UTRN: variants seen among roughly 807,000 people sequenced by gnomAD.
UTRN encodes utrophin.
UTRN carries 283 observed loss-of-function variants against 463.9 expected under a neutral mutation model. That is an observed-to-expected ratio of 0.61 (90% CI 0.55 to 0.67). UTRN has a LOEUF of 0.67. UTRN is among the 30% of genes least tolerant of loss of function. UTRN has a pLI of 0.00. For synonymous variants in UTRN, 1,442 were observed against 1,431.5 expected (o/e 1.01, Z -0.17); for missense variants, 3,922 against 4,084.3 (o/e 0.96, Z 1.08).
chr6:144,633,169 G>A (rs569985655), intron 51 of UTRN, among the ~76,000 whole-genome samples: 42 of 150,972 alleles, frequency 2.8e-4, no homozygotes, highest in African/African-American at 9.3e-4. Context: ...TACCTATTCC[G>A]TCAGATAGTA....
chr6:144,495,865 G>A (rs1793594254), intron 33 of UTRN, among the ~76,000 whole-genome samples: 1 of 152,152 alleles, frequency 6.6e-6, no homozygotes, highest in Admixed American at 6.5e-5. Flanking sequence ...TAGTCCTAAT[G>A]TTTTCCCATT....
chr6:144,760,056 G>C (rs1281653843), intron 58 of UTRN, among the ~76,000 whole-genome samples: 2 of 152,030 alleles, frequency 1.3e-5, no homozygotes, highest in African/African-American at 2.4e-5. Flanking sequence ...ATGATTATCT[G>C]TGTGGTTTGG....
At position 144,490,203 on chromosome 6, in the gene UTRN, A is replaced by G. The variant is rs1414496216; in HGVS notation, c.4263+4A>G. ...AAGTCAGATGGATGTGCTACAGGTA[A>G]AGAAGGCCAGGAGCTTCCTTTTACT... On this transcript the variant is annotated splice_donor_region_variant and intron_variant, in intron 31 of 74. Transcript: ENST00000367545. 3 of 1,592,538 alleles carry G rather than the reference A, an allele frequency of 1.9e-6. No individual in the cohort carries two copies. Among genetic ancestry groups the G allele is most frequent in the Admixed American group, 3.8e-5 (2 of 52,330 alleles).
chr6:144,786,486 A>G (rs56383646), intron 61 of UTRN, among the ~76,000 whole-genome samples: 17,945 of 152,046 alleles, frequency 0.12, 1,248 homozygotes, highest in South Asian at 0.19. Flanking sequence ...GGGTTTCACC[A>G]TGTTGGCCAG....
At chr6:144,430,159 A>T (rs1265544295) in intron 9 of UTRN, among the ~76,000 whole-genome samples, 1 of 151,994 alleles carries the variant, frequency 6.6e-6, no homozygotes, top group Admixed American at 6.5e-5. Flanking sequence ...TTTCCATTAT[A>T]TATCTCACAA....
intron 73 of UTRN, among the ~76,000 whole-genome samples, chr6:144,843,122 T>C (rs1300851950): frequency 6.6e-6 from 1 of 152,194 alleles, no homozygotes; most frequent in Non-Finnish European, 1.5e-5. Flanking sequence ...TACTTTTTAG[T>C]TCAGCTTATA....
chr6:144,477,167 G>A (rs1791304180), intron 25 of UTRN, among the ~76,000 whole-genome samples: 1 of 152,100 alleles, frequency 6.6e-6, no homozygotes, highest in African/African-American at 2.4e-5. Context: ...AGAACTGGGA[G>A]GTATTCTTTC....
At chr6:144,729,515 T>C (rs1586256453) in intron 53 of UTRN, among the ~76,000 whole-genome samples, 1 of 152,184 alleles carries the variant, frequency 6.6e-6, no homozygotes, top group South Asian at 2.1e-4. Flanking sequence ...GAAGGCAAAA[T>C]ACTAGAGCCA....
intron 50 of UTRN, among the ~76,000 whole-genome samples, chr6:144,575,975 C>G (rs1324924827): frequency 6.6e-6 from 1 of 152,236 alleles, no homozygotes; most frequent in East Asian, 1.9e-4. Flanking sequence ...ATGAATTTAC[C>G]TATTTTGGAA....
In UTRN at chr6:144,479,816, C is replaced by G; in HGVS notation, c.3341C>G (p.Ala1114Gly). ...GGAATGGCTTTTCCTTTGTAGATCG[C>G]TACTCAAAAAAGTAGGTTGTCTGAA... ...TQLEKLSKEI[A>G]TQKSRLSESQ... Residue 1114 changes from alanine (A) to glycine (G), a missense_variant, in exon 26 of 75, where the codon GCT becomes GGT. Physicochemically the swap from Ala to Gly is moderately conservative, Grantham distance 60 (BLOSUM62 0). This residue lies in a region of UTRN where 2,349 missense variants were observed against 2,303.8 expected (regional missense o/e 1.02). Transcript: ENST00000367545. The G allele has an allele frequency of 1.2e-6, 2 of 1,612,422 alleles. No individual in the cohort carries two copies. Among genetic ancestry groups the G allele is most frequent in the Non-Finnish European group, 1.7e-6 (2 of 1,179,326 alleles).
At chr6:144,300,273 A>T (rs2473144) in intron 2 of UTRN, among the ~76,000 whole-genome samples, 1 of 151,884 alleles carries the variant, frequency 6.6e-6, no homozygotes. Context: ...TATTTTTGGT[A>T]GAGATGGGGT....
chr6:144,835,408 G>A (rs1243180582), intron 69 of UTRN, among the ~76,000 whole-genome samples: 2 of 152,190 alleles, frequency 1.3e-5, no homozygotes, highest in Non-Finnish European at 2.9e-5. Flanking sequence ...AGTGAAGTCA[G>A]ATGATTCTTA....
At position 144,343,363 on chromosome 6, in the gene UTRN, AACACACACACACAC is replaced by A. The variant is rs3061626; in HGVS notation, c.79+51490_79+51503del. 8.6e-3 allele frequency among the ~76,000 whole-genome samples: 1,161 copies of A among 135,414 alleles called. 16 individuals are homozygous for A. The highest frequency in any genetic ancestry group is 0.027 in the African/African-American group (934 of 35,048). 88.8% of individuals were successfully genotyped at this position (135,414 alleles called of 152,430 possible). On this transcript the variant is annotated intron_variant, in intron 2 of 74. Coordinates refer to ENST00000367545, the MANE Select transcript of UTRN (RefSeq NM_007124.3). ...ACATGGTGAAATCCCGTCTCTACTA[AACACACACACACAC>A]ACACACACACACACACACACACACA...
intron 2 of UTRN, among the ~76,000 whole-genome samples, chr6:144,304,751 T>G (rs1022694514): frequency 6.6e-6 from 1 of 152,018 alleles, no homozygotes; most frequent in African/African-American, 2.4e-5. Context: ...TCTTTAGGAG[T>G]TTGAGTTGTA....
intron 17 of UTRN, among the ~76,000 whole-genome samples, chr6:144,449,453 G>A (rs539161864): frequency 1.3e-5 from 2 of 152,242 alleles, no homozygotes; most frequent in East Asian, 1.9e-4. Context: ...TGTGACCTGC[G>A]ATCATTGCAT....
chr6:144,757,244 A>C (rs1372069394), intron 57 of UTRN, among the ~76,000 whole-genome samples: 1 of 151,006 alleles, frequency 6.6e-6, no homozygotes, highest in Non-Finnish European at 1.5e-5. Context: ...TGTAAAAAAA[A>C]AAAAAAAAAA....
rs182330243 is a variant in UTRN, at chr6:144,655,049, C to T, written c.7480-23357C>T. Reference sequence around the variant, plus strand: ...TTATGAATCCTAATTTTTATTTCTCCATGACCACCTGTAAAATTATCAAAG... The same window carrying T: ...TTATGAATCCTAATTTTTATTTCTCTATGACCACCTGTAAAATTATCAAAG... On this transcript the variant is annotated intron_variant, in intron 51 of 74. Coordinates refer to ENST00000367545, the MANE Select transcript of UTRN (RefSeq NM_007124.3). Among the ~76,000 whole-genome samples, 226 of 152,250 alleles carry T rather than the reference C, an allele frequency of 1.5e-3. 3 individuals carry two copies. The highest frequency in any genetic ancestry group is 3.9e-3 in the African/African-American group (162 of 41,540).
intron 33 of UTRN, 39 bp downstream of exon 33, chr6:144,493,495 C>G (rs1793261434): frequency 6.5e-7 from 1 of 1,550,056 alleles, no homozygotes; most frequent in Admixed American, 1.8e-5. Flanking sequence ...CTCTGTCTCT[C>G]TCTCTCTCTC....
At chr6:144,581,651 C>T (rs1801977568) in intron 51 of UTRN, among the ~76,000 whole-genome samples, 2 of 152,250 alleles carry the variant, frequency 1.3e-5, no homozygotes, top group East Asian at 3.9e-4. Flanking sequence ...GGTTCTAGGA[C>T]AGGAATTATA....
Sources: allele counts gnomAD v4.1 joint callset (sites outside exome capture counted in the v4.1 genomes callset), GRCh38; gene constraint gnomAD v4.1.1; regional missense constraint gnomAD v4.1.1; transcripts MANE v1.5; gene names NCBI Gene and HGNC (gene_info 2026-07-23, HGNC 2026-07-21).